ANO10: variants seen among roughly 807,000 people sequenced by gnomAD.
ANO10 encodes anoctamin 10.
A neutral mutation model predicts 74.7 loss-of-function variants in ANO10; 77 were observed. The observed-to-expected ratio is 1.03, with a 90% CI of 0.86 to 1.25. The LOEUF (loss-of-function observed/expected upper bound fraction) is 1.25. Among genes scored for constraint, ANO10 ranks in the 50% most tolerant of loss-of-function variants. The probability of loss-of-function intolerance (pLI) is 0.00; values close to 1 mark genes in which losing one functional copy is unlikely to be tolerated. For missense variants in ANO10, 721 were observed against 778.1 expected (o/e 0.93, Z 0.87); for synonymous variants, 279 against 284.9 (o/e 0.98, Z 0.21).
At chr3:43,433,450 C>T (rs1170574789) in intron 11 of ANO10, among the ~76,000 whole-genome samples, 1 of 152,128 alleles carries the variant, frequency 6.6e-6, no homozygotes, top group Non-Finnish European at 1.5e-5. Flanking sequence ...ATGAAACGTA[C>T]ATGTATCTTA....
intron 11 of ANO10, among the ~76,000 whole-genome samples, chr3:43,519,224 G>A (rs2077844225): frequency 6.6e-6 from 1 of 152,160 alleles, no homozygotes; most frequent in Non-Finnish European, 1.5e-5. Flanking sequence ...GCAGAAAGCA[G>A]TTTCTTAAAA....
chr3:43,466,393 A>AAAAC (rs71083072), intron 11 of ANO10, among the ~76,000 whole-genome samples: 7 of 9,810 alleles, frequency 7.1e-4, no homozygotes, highest in African/African-American at 9.1e-4. Context: ...AAAAACAAAC[A>AAAAC]AAAAAACCAG....
intron 11 of ANO10, among the ~76,000 whole-genome samples, chr3:43,545,618 G>A (rs143424732): frequency 9.5e-4 from 145 of 152,086 alleles, no homozygotes; most frequent in African/African-American, 3.2e-3. Flanking sequence ...TGCCCACCTC[G>A]GCCTCCTAAA....
intron 1 of ANO10, among the ~76,000 whole-genome samples, chr3:43,646,857 T>A (rs1159876217): frequency 6.6e-6 from 1 of 152,190 alleles, no homozygotes; most frequent in African/African-American, 2.4e-5. Flanking sequence ...TCTAGTTCGG[T>A]TCTAAAATGA....
chr3:43,491,625 C>G (rs564606264), intron 11 of ANO10, among the ~76,000 whole-genome samples: 3 of 152,202 alleles, frequency 2.0e-5, no homozygotes, highest in Admixed American at 6.5e-5. Context: ...CTTTCATTCC[C>G]ACTCTAAAGC....
chr3:43,568,213 A>C (rs2080480952), intron 7 of ANO10, among the ~76,000 whole-genome samples: 1 of 152,162 alleles, frequency 6.6e-6, no homozygotes, highest in African/African-American at 2.4e-5. Flanking sequence ...AAAGAGACTT[A>C]AGACTCCCAC....
intron 11 of ANO10, among the ~76,000 whole-genome samples, chr3:43,487,924 C>T (rs1460318047): frequency 1.3e-5 from 2 of 151,798 alleles, no homozygotes; most frequent in Non-Finnish European, 2.9e-5. Context: ...AACTATACTA[C>T]AAGGCTACAG....
chr3:43,387,391 A>AC, intron 12 of ANO10, among the ~76,000 whole-genome samples: 1 of 152,074 alleles, frequency 6.6e-6, no homozygotes, highest in African/African-American at 2.4e-5. Flanking sequence ...CTCCAGCCTC[A>AC]TCTTGGGGTG....
At chr3:43,485,111 AC>A in intron 11 of ANO10, 1 of 982,536 alleles carries the variant, frequency 1.0e-6, no homozygotes, top group Non-Finnish European at 1.6e-6. Context: ...GGCTGCGATC[AC>A]CTCCACCTTC....
chr3:43,438,930 G>C (rs4564953), intron 11 of ANO10, among the ~76,000 whole-genome samples: 28,258 of 152,026 alleles, frequency 0.19, 3,152 homozygotes, highest in Middle Eastern at 0.36. Context: ...TGTATTATAA[G>C]AGTTCCAGAG....
At chr3:43,421,204 C>G (rs1036471102) in intron 12 of ANO10, among the ~76,000 whole-genome samples, 3 of 151,992 alleles carry the variant, frequency 2.0e-5, no homozygotes, top group East Asian at 1.9e-4. Flanking sequence ...GGGTAGATGA[C>G]AGAGCAAGAC....
chr3:43,580,864 C>A (rs2081234618), intron 4 of ANO10, among the ~76,000 whole-genome samples: 1 of 152,024 alleles, frequency 6.6e-6, no homozygotes, highest in South Asian at 2.1e-4. Flanking sequence ...GTTTCATAAT[C>A]TTTTCTCATG....
At chr3:43,529,942 A>G (rs140358877) in intron 11 of ANO10, among the ~76,000 whole-genome samples, 6 of 152,252 alleles carry the variant, frequency 3.9e-5, no homozygotes, top group African/African-American at 1.4e-4. Context: ...CTGCATCTCA[A>G]TTAATGCAAA....
At chr3:43,457,263 T>A (rs569290948) in intron 11 of ANO10, among the ~76,000 whole-genome samples, 3 of 152,364 alleles carry the variant, frequency 2.0e-5, no homozygotes, top group Admixed American at 2.0e-4. Context: ...GTTAATAACC[T>A]GCTGCAGAAA....
At chr3:43,653,831 T>C (rs1350467621) in intron 1 of ANO10, among the ~76,000 whole-genome samples, 1 of 151,942 alleles carries the variant, frequency 6.6e-6, no homozygotes, top group Non-Finnish European at 1.5e-5. Flanking sequence ...AGCCCCTCTA[T>C]CCCTTCGGAC....
At chr3:43,421,111 T>C (rs1172424585) in intron 12 of ANO10, among the ~76,000 whole-genome samples, 2 of 152,108 alleles carry the variant, frequency 1.3e-5, no homozygotes, top group East Asian at 3.9e-4. Context: ...TAGTCCCAGC[T>C]ACTCGGGAGG....
chr3:43,624,840 T>C (rs74491941), upstream of ANO10, among the ~76,000 whole-genome samples: 2,005 of 152,346 alleles, frequency 0.013, 22 homozygotes, highest in Non-Finnish European at 0.021. Flanking sequence ...GCACACAATT[T>C]AAAACTTATG....
intron 4 of ANO10, among the ~76,000 whole-genome samples, chr3:43,580,730 G>A (rs1020440038): frequency 2.0e-4 from 30 of 152,026 alleles, no homozygotes; most frequent in Admixed American, 6.6e-5. Context: ...TGAGAGGCCC[G>A]TTAGTCTCTC....
intron 11 of ANO10, among the ~76,000 whole-genome samples, chr3:43,478,501 G>A (rs770699980): frequency 1.3e-5 from 2 of 152,180 alleles, no homozygotes; most frequent in African/African-American, 2.4e-5. Context: ...CAGGACCCAT[G>A]CTTTTTTCAT....
Sources: gnomAD v4.1 joint callset for allele counts (sites outside exome capture counted in the v4.1 genomes callset) on GRCh38, gnomAD v4.1.1 for gene constraint, MANE v1.5 for transcripts, NCBI Gene and HGNC (gene_info 2026-07-23, HGNC 2026-07-21) for gene names.